NUDCD3: variants seen among roughly 807,000 people sequenced by gnomAD.
The protein encoded by NUDCD3 is nudC domain-containing protein 3.
NUDCD3 carries 13 observed loss-of-function variants against 39.7 expected under a neutral mutation model. That is an observed-to-expected ratio of 0.33 (90% CI 0.21 to 0.52). NUDCD3 has a LOEUF of 0.52. Among genes scored for constraint, NUDCD3 ranks in the 20% least tolerant of loss-of-function variants. The pLI, the probability that NUDCD3 is intolerant of heterozygous loss-of-function variation, is 0.96. For synonymous variants in NUDCD3, 175 were observed against 172.4 expected, an observed-to-expected ratio of 1.02 and a Z score of -0.12; for missense variants, 453 against 458.1, an observed-to-expected ratio of 0.99 and a Z score of 0.10.
Position 44,490,437 on chromosome 7 carries a change from G to A in NUDCD3, c.164C>T (p.Pro55Leu). 1 of 1,589,436 alleles carries A rather than the reference G, an allele frequency of 6.3e-7. No individual in the cohort carries two copies. Among genetic ancestry groups the A allele is most frequent in the African/African-American group, 1.3e-5 (1 of 74,568 alleles). The change falls in exon 1 of 6, where the codon CCC becomes CTC. Residue 55 changes from proline to leucine, a missense_variant. By Grantham distance (98) the Pro-to-Leu change is moderately conservative (BLOSUM62 -3). Coordinates refer to ENST00000355451, the MANE Select transcript of NUDCD3 (RefSeq NM_015332.4). ...CAGCACCAAGGCCTGCGCGGCCCCGGGCGGGAAGCCCATGCGGTCCGATGG... is the reference window on the plus strand; with the variant it reads ...CAGCACCAAGGCCTGCGCGGCCCCGAGCGGGAAGCCCATGCGGTCCGATGG... ...RHPSDRMGFP[P>L]GAAQALVLQV...
chr7:44,470,840 A>G (rs922164770), intron 2 of NUDCD3, among the ~76,000 whole-genome samples: 1 of 152,246 alleles, frequency 6.6e-6, no homozygotes, highest in African/African-American at 2.4e-5. Context: ...AAGAGTTCAA[A>G]CTACTACCAA....
chr7:44,421,610 G>GT (rs1310716680), intron 3 of NUDCD3, among the ~76,000 whole-genome samples: 9 of 151,542 alleles, frequency 5.9e-5, no homozygotes. Flanking sequence ...AATGAAACTA[G>GT]AAGAGCTAAC....
chr7:44,392,487 T>TG lies in NUDCD3; in HGVS notation c.787-3dup, dbSNP rs770789300. The TG allele has an allele frequency of 6.2e-6, 10 of 1,613,452 alleles. No individual in the cohort carries two copies. Among genetic ancestry groups the TG allele is most frequent in the Admixed American group, 3.3e-5 (2 of 59,976 alleles). On this transcript the variant is annotated splice_polypyrimidine_tract_variant and splice_region_variant and intron_variant, in intron 4 of 5. Transcript: ENST00000355451. ...CTCGCCCACCTTGCTCAGGTTCACC[T>TG]GGGGACAAGCAGGACAGAGACCTGA...
chr7:44,420,645 G>C (rs1799119584), intron 3 of NUDCD3, among the ~76,000 whole-genome samples: 1 of 152,188 alleles, frequency 6.6e-6, no homozygotes, highest in Admixed American at 6.5e-5. Flanking sequence ...ACTAACAGCA[G>C]ATCTCTCTGC....
intron 2 of NUDCD3, among the ~76,000 whole-genome samples, chr7:44,479,174 T>C (rs1175413903): frequency 6.6e-6 from 1 of 152,036 alleles, no homozygotes; most frequent in Non-Finnish European, 1.5e-5. Flanking sequence ...CCATGACATG[T>C]GAGGATTATG....
chr7:44,401,871 G>A lies in NUDCD3; in HGVS notation c.786+2569C>T, dbSNP rs536010642. Among the ~76,000 whole-genome samples, 5 of 152,290 alleles carry A rather than the reference G, an allele frequency of 3.3e-5. No homozygotes were observed. The South Asian group carries it at 1.0e-3, about 32-fold the overall frequency. ...GCCGGGATTGTGCTATGGCCCCGGG[G>A]GCCCTGGCATGAAAGTTAAACATCC... On this transcript the variant is annotated intron_variant, in intron 4 of 5. Coordinates refer to ENST00000355451, the MANE Select transcript of NUDCD3 (RefSeq NM_015332.4).
At chr7:44,485,976 G>C (rs1347332900) in intron 1 of NUDCD3, among the ~76,000 whole-genome samples, 2 of 152,188 alleles carry the variant, frequency 1.3e-5, no homozygotes, top group Non-Finnish European at 2.9e-5. Context: ...ATACAAGAGG[G>C]GGCATGACAA....
intron 4 of NUDCD3, among the ~76,000 whole-genome samples, chr7:44,392,788 G>C (rs1022457609): frequency 2.6e-5 from 4 of 152,082 alleles, no homozygotes; most frequent in Non-Finnish European, 5.9e-5. Context: ...TCAGGACAGT[G>C]CCTGTTCCAT....
chr7:44,390,237 G>A (rs1310420849), intron 5 of NUDCD3, among the ~76,000 whole-genome samples: 2 of 152,108 alleles, frequency 1.3e-5, no homozygotes, highest in African/African-American at 4.8e-5. Flanking sequence ...GGTGGTGTGC[G>A]CCTGTAGTCC....
intron 2 of NUDCD3, among the ~76,000 whole-genome samples, chr7:44,459,091 T>C (rs7808505): frequency 0.13 from 19,570 of 152,238 alleles, 1,673 homozygotes; most frequent in Non-Finnish European, 0.19. Context: ...GAAATTCCTT[T>C]CAACAATGTT....
At chr7:44,478,199 T>A (rs1800417554) in intron 2 of NUDCD3, among the ~76,000 whole-genome samples, 1 of 152,236 alleles carries the variant, frequency 6.6e-6, no homozygotes, top group Non-Finnish European at 1.5e-5. Flanking sequence ...TGCTATCTTG[T>A]GCAAATAGGG....
chr7:44,451,081 C>G (rs978134888), intron 2 of NUDCD3, among the ~76,000 whole-genome samples: 3 of 152,196 alleles, frequency 2.0e-5, no homozygotes, highest in Non-Finnish European at 4.4e-5. Flanking sequence ...GTGGAAGGAA[C>G]TCAAATGTCC....
At chr7:44,441,544 A>G (rs1192911929) in intron 2 of NUDCD3, among the ~76,000 whole-genome samples, 2 of 152,108 alleles carry the variant, frequency 1.3e-5, no homozygotes, top group Admixed American at 1.3e-4. Flanking sequence ...AAGACTCGCC[A>G]TGTCTACCCG....
intron 2 of NUDCD3, among the ~76,000 whole-genome samples, chr7:44,479,000 T>C (rs912931134): frequency 5.9e-5 from 9 of 152,150 alleles, no homozygotes; most frequent in Admixed American, 5.9e-4. Context: ...CTTACAATCA[T>C]GACAGAAGGG....
At chr7:44,467,394 C>G (rs73107405) in intron 2 of NUDCD3, among the ~76,000 whole-genome samples, 1 of 152,186 alleles carries the variant, frequency 6.6e-6, no homozygotes, top group African/African-American at 2.4e-5. Context: ...AAGCCATCCT[C>G]TCTCCCTTCC....
chr7:44,405,101 T>TGTC (rs1798794036), intron 3 of NUDCD3, among the ~76,000 whole-genome samples: 1 of 152,238 alleles, frequency 6.6e-6, no homozygotes. Context: ...CCTGGTTGAC[T>TGTC]ATAGCCTGGT....
At chr7:44,470,964 T>A (rs934527567) in intron 2 of NUDCD3, among the ~76,000 whole-genome samples, 1 of 152,240 alleles carries the variant, frequency 6.6e-6, no homozygotes, top group Non-Finnish European at 1.5e-5. Context: ...ATGTTAAAAT[T>A]CAAAGGTTGA....
At chr7:44,392,564 G>T in intron 4 of NUDCD3, 79 bp from the exon 5 acceptor site, 1 of 1,266,862 alleles carries the variant, frequency 7.9e-7, no homozygotes, top group Non-Finnish European at 1.1e-6. Flanking sequence ...AGAGCCCACT[G>T]AGGGATGGGT....
At chr7:44,410,881 G>A (rs533844022) in intron 3 of NUDCD3, among the ~76,000 whole-genome samples, 3 of 152,196 alleles carry the variant, frequency 2.0e-5, no homozygotes, top group Non-Finnish European at 2.9e-5. Flanking sequence ...GCAGGAAATC[G>A]CTTGAACCCA....
Sources: allele counts gnomAD v4.1 joint callset (sites outside exome capture counted in the v4.1 genomes callset), GRCh38; gene constraint gnomAD v4.1.1; transcripts MANE v1.5; gene names NCBI Gene and HGNC (gene_info 2026-07-23, HGNC 2026-07-21).